The following VPS28 variants were observed in gnomAD, a reference collection of about 807,000 sequenced individuals.
The protein encoded by VPS28 is vacuolar protein sorting-associated protein 28 homolog.
VPS28 carries 29 observed loss-of-function variants against 33.7 expected under a neutral mutation model. That is an observed-to-expected ratio of 0.86 (90% confidence interval 0.64 to 1.17). VPS28 has a LOEUF of 1.17. Among genes scored for constraint, VPS28 ranks in the 50% most tolerant of loss-of-function variants. VPS28 has a pLI of 0.00. For missense variants in VPS28, 247 were observed against 312.2 expected (o/e 0.79, Z 1.57); for synonymous variants, 164 against 116.7 (o/e 1.40, Z -2.61).
chr8:144,423,956 G>A (rs375505440), intron 9 of VPS28, 34 bp from the exon 10 acceptor site: 55 of 1,612,626 alleles, frequency 3.4e-5, no homozygotes, highest in South Asian at 3.2e-4. Flanking sequence ...TGGGGGCTGA[G>A]GGCCTCAGGG....
rs1342003916 is a variant in VPS28 at position 144,423,821 on chromosome 8, C to A, written c.650G>T (p.Arg217Leu). 1.9e-6 allele frequency: 3 copies of A among 1,612,990 alleles called. No individual in the cohort carries two copies. Among genetic ancestry groups the A allele is most frequent in the Non-Finnish European group, 2.5e-6 (3 of 1,180,034 alleles). ...DLESAYNAFNRFLHA is the reference protein window; with the variant it reads ...DLESAYNAFNLFLHA ...GCCCCGGGCTCAGGCATGCAGGAAG[C>A]GGTTGAAGGCGTTGTAGGCTGACTC... The change falls in exon 10 of 10, where the codon CGC becomes CTC. Residue 217 changes from arginine to leucine, a missense_variant. Around this residue, in one of 3 missense-constraint regions of VPS28, gnomAD observed 95 missense variants for 118.3 expected, o/e 0.80. Transcript: ENST00000292510.
At position 144,428,493 on chromosome 8, in the gene VPS28, A is replaced by T. The variant is rs1243493901; in HGVS notation, c.-39T>A. The T allele has an allele frequency of 1.3e-5, 2 of 152,020 alleles. No individual in the cohort carries two copies. Among genetic ancestry groups the T allele is most frequent in the African/African-American group, 4.8e-5 (2 of 41,366 alleles). The allele number at this position is 152,020 out of a possible 1,614,324, so 9.4% of individuals were successfully genotyped here. ...CACCGGCCGGGCCCCGGGTACCTGG[A>T]CGGCTCGCGGTCGGGAAGATGGCGC... is the stretch of plus-strand genomic sequence containing the variant. On this transcript the variant is annotated 5_prime_UTR_variant, in exon 1 of 10. Coordinates refer to ENST00000292510, the MANE Select transcript of VPS28 (RefSeq NM_016208.4).
chr8:144,424,096 G>T lies in VPS28; in HGVS notation c.493C>A (p.His165Asn). 1 of 1,558,314 alleles carries T rather than the reference G, an allele frequency of 6.4e-7. No homozygotes were observed. The highest frequency in any genetic ancestry group is 8.7e-7 in the Non-Finnish European group (1 of 1,148,992). Residue 165 changes from histidine to asparagine, a missense_variant, in exon 9 of 10, where the codon CAC becomes AAC. This residue lies in a region of VPS28 where 95 missense variants were observed against 118.3 expected (regional missense o/e 0.80). Transcript: ENST00000292510. ...TCGGGTGGGAGGTGGCTCATGCGGT[G>T]CATGGTCTCCATCAGCTCTCGCAGG... is the stretch of plus-strand genomic sequence containing the variant. ...PDLRELMETM[H>N]RMSHLPPDFE...
chr8:144,426,435 C>T (rs1390784528), intron 2 of VPS28: 1 of 542,180 alleles, frequency 1.8e-6, no homozygotes, highest in Non-Finnish European at 3.1e-6. Flanking sequence ...GGCCCAGCTC[C>T]CCAGCTCCAC....
At position 144,426,444 on chromosome 8, in the gene VPS28, A is replaced by G. The variant is rs541897484; in HGVS notation, c.38-236T>C. 3.2e-5 allele frequency: 17 copies of G among 531,112 alleles called. No individual in the cohort carries two copies. The Admixed American group carries it at 6.0e-4, about 19-fold the overall frequency. 32.9% of individuals were successfully genotyped at this position (531,112 alleles called of 1,614,324 possible). On this transcript the variant is annotated intron_variant, in intron 2 of 9. Transcript: ENST00000292510. ...ATGACAGGCCCAGCTCCCCAGCTCC[A>G]CTGCGGCTCCCCGGGGGACCGCATG... is the stretch of plus-strand genomic sequence containing the variant.
chr8:144,428,523 G>A lies in VPS28; in HGVS notation c.-69C>T, dbSNP rs1220038441. ...TCGCGGTCGGGAAGATGGCGCCGGG[G>A]GCGGGGTGCGCTCGGTCAGCGACTC... On this transcript the variant is annotated 5_prime_UTR_variant, in exon 1 of 10. Coordinates refer to ENST00000292510, the MANE Select transcript of VPS28 (RefSeq NM_016208.4). 6.6e-6 allele frequency: 1 copy of A among 152,160 alleles called. No individual in the cohort carries two copies. The highest frequency in any genetic ancestry group is 1.5e-5 in the Non-Finnish European group (1 of 68,032). The allele number at this position is 152,160 out of a possible 1,614,324, so 9.4% of individuals were successfully genotyped here.
At chr8:144,425,084 G>A (rs1412568127) in intron 5 of VPS28, 33 bp from the exon 6 acceptor site, 1 of 1,537,290 alleles carries the variant, frequency 6.5e-7, no homozygotes, top group Non-Finnish European at 8.8e-7. Context: ...CCAAGCATGG[G>A]ACCAGCCCCA....
chr8:144,427,599 C>A (rs1386819099), intron 1 of VPS28, among the ~76,000 whole-genome samples: 1 of 152,130 alleles, frequency 6.6e-6, no homozygotes, highest in Non-Finnish European at 1.5e-5. Flanking sequence ...TAACAGCCCG[C>A]CTTTAAGTAG....
intron 5 of VPS28, 143 bp downstream of exon 5, chr8:144,425,540 G>T: frequency 1.2e-6 from 1 of 834,512 alleles, no homozygotes; most frequent in Non-Finnish European, 1.8e-6. Context: ...TTCCCTGGCT[G>T]AGACCCAGGG....
At position 144,424,070 on chromosome 8, in the gene VPS28, G is replaced by A. The variant is rs782437782; in HGVS notation, c.519C>T (p.Asp173=). The part of the protein sequence containing the change: ...TMHRMSHLPP[D]FEGRQTVSQW... ...GGCTGACCGTCTGGCGGCCCTCAAA[G>A]TCGGGTGGGAGGTGGCTCATGCGGT... Residue 173 remains aspartate (D), a synonymous_variant, in exon 9 of 10, where the codon GAC becomes GAT. Coordinates refer to ENST00000292510, the MANE Select transcript of VPS28 (RefSeq NM_016208.4). 15 of 1,567,956 alleles carry A rather than the reference G, an allele frequency of 9.6e-6. No homozygotes were observed. The highest frequency in any genetic ancestry group is 1.3e-5 in the Non-Finnish European group (15 of 1,153,496).
At chr8:144,425,282 A>G (rs1233511973) in intron 5 of VPS28, 2 of 510,316 alleles carry the variant, frequency 3.9e-6, no homozygotes, top group Non-Finnish European at 7.1e-6. Context: ...ACCCCTGCCC[A>G]CCCTCTGAAC....
chr8:144,425,565 C>A, intron 5 of VPS28, 118 bp downstream of exon 5: 2 of 1,094,110 alleles, frequency 1.8e-6, no homozygotes, highest in Non-Finnish European at 2.6e-6. Flanking sequence ...CCTCCTCACG[C>A]TGGGTGGGCC....
intron 9 of VPS28, 49 bp from the exon 10 acceptor site, chr8:144,423,971 T>G: frequency 5.6e-6 from 9 of 1,611,180 alleles, no homozygotes; most frequent in Non-Finnish European, 7.6e-6. Context: ...TCAGGGGCAC[T>G]GCGGGGCTCC....
Position 144,427,117 on chromosome 8 carries a change from T to C in VPS28, c.-34-138A>G, listed in dbSNP as rs1344724502. On this transcript the variant is annotated intron_variant, in intron 1 of 9. Transcript: ENST00000292510. ...GAGTTTGAGACCAGCCTGGCCAACATGGTGAAACCCTGTCTCTACTAAAAT... is the reference window on the plus strand; with the variant it reads ...GAGTTTGAGACCAGCCTGGCCAACACGGTGAAACCCTGTCTCTACTAAAAT... 1.1e-5 allele frequency: 6 copies of C among 537,398 alleles called. No homozygotes were observed. In the East Asian group the frequency reaches 1.8e-4, roughly 16 times the overall value. The allele number at this position is 537,398 out of a possible 1,614,324, so 33.3% of individuals were successfully genotyped here. A position where few individuals can be genotyped will look rare whatever the true frequency, so the allele number is the denominator to read the frequency against.
Position 144,428,522 on chromosome 8 carries a change from G to A in VPS28, c.-68C>T, listed in dbSNP as rs1288037808. The A allele has an allele frequency of 2.0e-5, 3 of 152,162 alleles. No homozygotes were observed. The highest frequency in any genetic ancestry group is 4.4e-5 in the Non-Finnish European group (3 of 68,022). The allele number at this position is 152,162 out of a possible 1,614,324, so 9.4% of individuals were successfully genotyped here. A position where few individuals can be genotyped will look rare whatever the true frequency, so the allele number is the denominator to read the frequency against. ...CTCGCGGTCGGGAAGATGGCGCCGG[G>A]GGCGGGGTGCGCTCGGTCAGCGACT... On this transcript the variant is annotated 5_prime_UTR_variant, in exon 1 of 10. Coordinates refer to ENST00000292510, the MANE Select transcript of VPS28 (RefSeq NM_016208.4).
At position 144,424,739 on chromosome 8, in the gene VPS28, G is replaced by A. The variant is rs782524497; in HGVS notation, c.381C>T (p.Arg127=). ...GCACCGAGACCACGTCTGCGATGCAGCGGTTGAGGTTGCCCTTGTCGTCCT... is the reference window on the plus strand; with the variant it reads ...GCACCGAGACCACGTCTGCGATGCAACGGTTGAGGTTGCCCTTGTCGTCCT... ...TIKDDKGNLN[R]CIADVVSLFI... The change falls in exon 7 of 10, where the codon CGC becomes CGT. Residue 127 remains arginine (R), a synonymous_variant. Transcript: ENST00000292510. 3 of 1,613,066 alleles carry A rather than the reference G, an allele frequency of 1.9e-6. No individual in the cohort carries two copies. The highest frequency in any genetic ancestry group is 2.2e-5 in the South Asian group (2 of 91,084).
At chr8:144,427,893 G>A (rs1822900905) in intron 1 of VPS28, among the ~76,000 whole-genome samples, 1 of 152,190 alleles carries the variant, frequency 6.6e-6, no homozygotes, top group Admixed American at 6.5e-5. Context: ...CGGGCAGTAA[G>A]ATAAACTCAG....
Position 144,423,664 on chromosome 8 carries a change from G to A in VPS28, c.*141C>T, listed in dbSNP as rs1396005464. 1.3e-5 allele frequency: 15 copies of A among 1,152,172 alleles called. No homozygotes were observed. The highest frequency in any genetic ancestry group is 4.3e-5 in the Admixed American group (2 of 46,866). The allele number at this position is 1,152,172 out of a possible 1,614,324, so 71.4% of individuals were successfully genotyped here. Reference sequence around the variant, plus strand: ...TGTGGGGAGGGGCCCGGCCCCCAAAGTTCTGACACCAAAGACAGACACCAG... The same window carrying A: ...TGTGGGGAGGGGCCCGGCCCCCAAAATTCTGACACCAAAGACAGACACCAG... On this transcript the variant is annotated 3_prime_UTR_variant, in exon 10 of 10. Transcript: ENST00000292510.
intron 2 of VPS28, 105 bp downstream of exon 2, chr8:144,426,802 CGA>C (rs1370005723): frequency 3.1e-6 from 4 of 1,302,108 alleles, no homozygotes; most frequent in Non-Finnish European, 4.3e-6. Flanking sequence ...CAAGGCTGTA[CGA>C]GAGCAGGGTC....
Sources: gnomAD v4.1 joint callset for allele counts (sites outside exome capture counted in the v4.1 genomes callset) on GRCh38, gnomAD v4.1.1 for gene constraint, gnomAD v4.1.1 regional missense constraint, MANE v1.5 for transcripts, NCBI Gene and HGNC (gene_info 2026-07-23, HGNC 2026-07-21) for gene names.